Variants in NECAB3 observed in about 807,000 individuals in gnomAD.
NECAB3 encodes N-terminal EF-hand calcium-binding protein 3.
In NECAB3, 38 loss-of-function variants were observed where a neutral mutation model predicts 57.2. The observed-to-expected ratio is 0.66, with a 90% CI of 0.51 to 0.87. The LOEUF is 0.87. Among genes scored for constraint, NECAB3 ranks in the 40% least tolerant of loss-of-function variants. The pLI is 0.00. For missense variants in NECAB3, 474 were observed against 527.5 expected (o/e 0.90, Z 0.99); for synonymous variants, 223 against 222.6 (o/e 1.00, Z -0.02).
intron 7 of NECAB3, 54 bp downstream of exon 7, chr20:33,659,831 A>T (rs1341072881): frequency 6.5e-7 from 1 of 1,533,830 alleles, no homozygotes; most frequent in African/African-American, 1.4e-5. Flanking sequence ...CCCTGGGGGA[A>T]GGGGGGATGC....
intron 8 of NECAB3, 111 bp downstream of exon 8, chr20:33,659,385 CG>C: frequency 1.1e-6 from 1 of 908,226 alleles, no homozygotes. Flanking sequence ...GGCCTGGGGG[CG>C]GGGCACATGC....
intron 5 of NECAB3, chr20:33,667,749 C>A: frequency 6.2e-7 from 1 of 1,612,564 alleles, no homozygotes; most frequent in Non-Finnish European, 8.5e-7. Context: ...AGAAGCGCAG[C>A]TGCTACGTGT....
chr20:33,668,099 C>T (rs1374225598), intron 5 of NECAB3: 3 of 1,604,144 alleles, frequency 1.9e-6, no homozygotes, highest in Non-Finnish European at 2.6e-6. Context: ...CACCTGGTGG[C>T]CAAGCATGGG....
At chr20:33,668,495 T>A in intron 5 of NECAB3, 1 of 424,410 alleles carries the variant, frequency 2.4e-6, no homozygotes, top group Non-Finnish European at 4.3e-6. Flanking sequence ...TTTATGGCAA[T>A]AAAGGTGATG....
At chr20:33,663,800 C>G (rs1055543381) in intron 5 of NECAB3, 1 of 1,418,700 alleles carries the variant, frequency 7.0e-7, no homozygotes, top group Admixed American at 3.2e-5. Context: ...GGGAAGGCTC[C>G]CCGCGAAGCC....
chr20:33,662,642 A>AC lies in NECAB3; in HGVS notation c.388-2248_388-2247insG, dbSNP rs1280660776. The AC allele has an allele frequency of 1.1e-5, 8 of 728,802 alleles. No homozygotes were observed. The East Asian group carries it at 2.0e-4, about 18-fold the overall frequency. The allele number at this position is 728,802 out of a possible 1,614,324, so 45.1% of individuals were successfully genotyped here. A position where few individuals can be genotyped will look rare whatever the true frequency, so the allele number is the denominator to read the frequency against. ...AAGGATGAGGATCCCAGGAGCCCAT[A>AC]TGGGTGTGGATGGGGGTCCTTTCAA... On this transcript the variant is annotated intron_variant, in intron 5 of 11. Transcript: ENST00000246190.
At chr20:33,666,554 G>A (rs1264783002) in intron 5 of NECAB3, 1 of 152,414 alleles carries the variant, frequency 6.6e-6, no homozygotes, top group Non-Finnish European at 1.5e-5. Context: ...GGGTCCTCAA[G>A]GGGGATATAT....
chr20:33,667,504 AG>A (rs1601168120), intron 5 of NECAB3: 1 of 1,515,052 alleles, frequency 6.6e-7, no homozygotes, highest in South Asian at 1.2e-5. Flanking sequence ...CCACATGGCT[AG>A]CACCGCGTTG....
chr20:33,659,767 C>T (rs1475834789), intron 7 of NECAB3, 35 bp from the exon 8 acceptor site: 1 of 1,548,768 alleles, frequency 6.5e-7, no homozygotes, highest in Non-Finnish European at 8.7e-7. Flanking sequence ...CAGGCAGGGG[C>T]CTCTCAGGTC....
rs1318532419 is a variant in NECAB3 at position 33,660,851 on chromosome 20, A to T, written c.388-456T>A. Among the ~76,000 whole-genome samples, 3 of 152,194 alleles carry T rather than the reference A, an allele frequency of 2.0e-5. No homozygotes were observed. The highest frequency in any genetic ancestry group is 4.4e-5 in the Non-Finnish European group (3 of 68,018). Reference sequence around the variant, plus strand: ...CACTCATTCATTCATTCACTCATACACACAACACTGGGTGCTTTTTACTAG... The same window carrying T: ...CACTCATTCATTCATTCACTCATACTCACAACACTGGGTGCTTTTTACTAG... On this transcript the variant is annotated intron_variant, in intron 5 of 11. Transcript: ENST00000246190. This position sits in a 1 kb window ranked among gnomAD's most constrained non-coding sequence, Gnocchi z 4.1.
chr20:33,665,769 C>T, intron 5 of NECAB3: 1 of 152,356 alleles, frequency 6.6e-6, no homozygotes, highest in Non-Finnish European at 1.5e-5. Context: ...TTGCTTAGGA[C>T]TGCACAGTGA....
rs753823605 is a variant in NECAB3 at position 33,660,309 on chromosome 20, G to A, written c.474C>T (p.Ser158=). The A allele has an allele frequency of 6.8e-6, 11 of 1,613,380 alleles. No homozygotes were observed. In the South Asian group the frequency reaches 7.7e-5, roughly 11 times the overall value. ...ETVSQLQALQ[S]SLEGASDTLE... ...GGGTATCTGACGCCCCCTCCAGCGAGCTCTGAAGGGCTTGCAGCTGGCTCA... is the reference window on the plus strand; with the variant it reads ...GGGTATCTGACGCCCCCTCCAGCGAACTCTGAAGGGCTTGCAGCTGGCTCA... The change falls in exon 6 of 12, where the codon AGC becomes AGT. Residue 158 remains serine (S), a synonymous_variant. Transcript: ENST00000246190. The surrounding 1 kb of genome is among the most constrained non-coding windows in gnomAD (Gnocchi z 4.1).
chr20:33,674,804 G>C (rs2017921105), upstream of NECAB3: 2 of 152,262 alleles, frequency 1.3e-5, no homozygotes, highest in African/African-American at 4.8e-5. Context: ...TTACAACGGG[G>C]GCTGGCGCAG....
At chr20:33,663,398 C>T in intron 5 of NECAB3, 4 of 972,846 alleles carry the variant, frequency 4.1e-6, no homozygotes, top group South Asian at 1.7e-5. Context: ...GCCCTGTGCA[C>T]GAGAGGATGA....
At position 33,658,559 on chromosome 20, in the gene NECAB3, A is replaced by G. The variant is rs555452106; in HGVS notation, c.993-5T>C. The G allele has an allele frequency of 8.1e-6, 13 of 1,614,002 alleles. 1 individual carries two copies. The South Asian group carries it at 1.3e-4, about 16-fold the overall frequency. On this transcript the variant is annotated splice_polypyrimidine_tract_variant and splice_region_variant and intron_variant, in intron 9 of 11. Transcript: ENST00000246190. The stretch of plus-strand genomic sequence containing the variant: ...AGCATCTTCTGGGCGGACACACTGT[A>G]GGGCCAAAGAGATGGGCAGGCCAGG...
Position 33,665,060 on chromosome 20 carries a change from C to T in NECAB3, c.387+4315G>A, listed in dbSNP as rs200897205. 3 of 152,338 alleles carry T rather than the reference C, an allele frequency of 2.0e-5. No individual in the cohort carries two copies. The East Asian group carries it at 5.8e-4, about 29-fold the overall frequency. 9.4% of individuals were successfully genotyped at this position (152,338 alleles called of 1,614,324 possible). ...TCTTCCATGGGGCTGCACCTCCTGC[C>T]CATACAGTGATTGGCCCAAGCTGGT... On this transcript the variant is annotated intron_variant, in intron 5 of 11. Coordinates refer to ENST00000246190, the MANE Select transcript of NECAB3 (RefSeq NM_031232.4).
rs150259443 is a variant in NECAB3, at chr20:33,660,410, G to A, written c.388-15C>T. 2.4e-4 allele frequency: 390 copies of A among 1,610,890 alleles called. 1 individual carries two copies. In the African/African-American group the frequency reaches 4.7e-3, roughly 19 times the overall value. On this transcript the variant is annotated splice_polypyrimidine_tract_variant and intron_variant, in intron 5 of 11. Transcript: ENST00000246190. The surrounding 1 kb of genome is among the most constrained non-coding windows in gnomAD (Gnocchi z 4.1). The stretch of plus-strand genomic sequence containing the variant: ...CTCTCGTACTCCTGTGGGCCAAGGA[G>A]GGACGGTCAGCATCTCCCAGCCCGG...
At chr20:33,662,668 G>A (rs1170074930) in intron 5 of NECAB3, 10 of 625,372 alleles carry the variant, frequency 1.6e-5, no homozygotes, top group Non-Finnish European at 2.7e-5. Flanking sequence ...GTCCTTTCAA[G>A]GTGGCTCACG....
chr20:33,672,280 T>C, intron 2 of NECAB3, 118 bp downstream of exon 2: 3 of 1,213,052 alleles, frequency 2.5e-6, no homozygotes, highest in Non-Finnish European at 2.4e-6. Context: ...TCTCCTGTTT[T>C]GGGCCCCCAA....
Sources: allele counts gnomAD v4.1 joint callset (sites outside exome capture counted in the v4.1 genomes callset), GRCh38; gene constraint gnomAD v4.1.1; non-coding constraint Gnocchi (gnomAD v3.1); transcripts MANE v1.5; gene names NCBI Gene and HGNC (gene_info 2026-07-23, HGNC 2026-07-21).